Variants in AGBL4 observed in about 807,000 individuals in gnomAD.
AGBL4 encodes the protein cytosolic carboxypeptidase 6.
Under a neutral mutation model 66.4 loss-of-function variants are expected in AGBL4, and 58 were observed. That is an observed-to-expected ratio of 0.87 (90% CI 0.71 to 1.09). The LOEUF (loss-of-function observed/expected upper bound fraction) is 1.09, where lower values mean the gene tolerates loss of function less well. Ranked by LOEUF, AGBL4 falls within the 50% of genes least tolerant of loss-of-function variation. The pLI, the probability that AGBL4 is intolerant of heterozygous loss-of-function variation, is 0.00. For synonymous variants in AGBL4, 234 were observed against 222.9 expected, an observed-to-expected ratio of 1.05 and a Z score of -0.44; for missense variants, 579 against 631.0, an observed-to-expected ratio of 0.92 and a Z score of 0.88.
In AGBL4 at chr1:48,847,058, C is replaced by T. The variant is rs899866999; in HGVS notation, c.634+20133G>A. 6.6e-5 allele frequency among the ~76,000 whole-genome samples: 10 copies of T among 151,842 alleles called. 1 individual carries two copies. The highest frequency in any genetic ancestry group is 3.3e-4 in the Admixed American group (5 of 15,234). On this transcript the variant is annotated intron_variant, in intron 6 of 13. Coordinates refer to ENST00000371839, the MANE Select transcript of AGBL4 (RefSeq NM_032785.4). ...GCTCATGCCTGTAATCCCAGCACTTCGGGAGGCCGAGGGGGGTGGATCACC... is the reference window on the plus strand; with the variant it reads ...GCTCATGCCTGTAATCCCAGCACTTTGGGAGGCCGAGGGGGGTGGATCACC...
chr1:48,778,202 T>C (rs189343020), intron 6 of AGBL4, among the ~76,000 whole-genome samples: 93 of 152,118 alleles, frequency 6.1e-4, no homozygotes, highest in African/African-American at 2.1e-3. Flanking sequence ...CATCTGTTCA[T>C]TCATTCCTTT....
At chr1:48,667,059 A>G (rs1646199810) in intron 6 of AGBL4, among the ~76,000 whole-genome samples, 1 of 152,192 alleles carries the variant, frequency 6.6e-6, no homozygotes, top group African/African-American at 2.4e-5. Context: ...GCTTTTAACT[A>G]CTGTGTCATA....
chr1:48,823,972 T>G (rs1646370681), intron 6 of AGBL4, among the ~76,000 whole-genome samples: 1 of 150,716 alleles, frequency 6.6e-6, no homozygotes, highest in Non-Finnish European at 1.5e-5. Flanking sequence ...GGACAAAAGG[T>G]GTGTGTGTGT....
intron 3 of AGBL4, among the ~76,000 whole-genome samples, chr1:49,377,884 C>T (rs879437024): frequency 1.3e-5 from 2 of 152,050 alleles, no homozygotes; most frequent in Admixed American, 1.3e-4. Context: ...TCTACAAACA[C>T]CCTGAAAAGA....
intron 2 of AGBL4, among the ~76,000 whole-genome samples, chr1:49,849,068 A>C (rs1341156784): frequency 1.3e-5 from 2 of 152,216 alleles, no homozygotes; most frequent in Non-Finnish European, 2.9e-5. Context: ...TCAAACTCCC[A>C]GCATAAACAC....
intron 4 of AGBL4, among the ~76,000 whole-genome samples, chr1:49,067,245 A>G (rs1455285658): frequency 6.6e-6 from 1 of 152,214 alleles, no homozygotes; most frequent in Non-Finnish European, 1.5e-5. Flanking sequence ...CTAAGCAGAG[A>G]GAAAAGCATG....
At chr1:49,971,697 TA>T (rs1329844495) in intron 1 of AGBL4, among the ~76,000 whole-genome samples, 1 of 151,724 alleles carries the variant, frequency 6.6e-6, no homozygotes, top group East Asian at 1.9e-4. Flanking sequence ...GAAAAGGCAT[TA>T]AATTTGTGAG....
intron 4 of AGBL4, among the ~76,000 whole-genome samples, chr1:49,166,200 G>A (rs1359573162): frequency 2.6e-5 from 4 of 152,020 alleles, no homozygotes; most frequent in East Asian, 1.9e-4. Context: ...TTGGAGCATC[G>A]GGGTCTTTAT....
intron 3 of AGBL4, among the ~76,000 whole-genome samples, chr1:49,497,017 A>C (rs765964414): frequency 1.3e-4 from 20 of 152,016 alleles, no homozygotes; most frequent in Non-Finnish European, 2.6e-4. Context: ...TTTTCTCCAT[A>C]TCATGGTTGC....
intron 6 of AGBL4, among the ~76,000 whole-genome samples, chr1:48,695,610 G>A (rs1473922166): frequency 6.6e-6 from 1 of 151,932 alleles, no homozygotes; most frequent in Non-Finnish European, 1.5e-5. Flanking sequence ...TTGGGACAGC[G>A]GACCGGCCCG....
intron 5 of AGBL4, among the ~76,000 whole-genome samples, chr1:48,939,552 G>A (rs1465342096): frequency 2.6e-5 from 4 of 152,234 alleles, no homozygotes; most frequent in Non-Finnish European, 5.9e-5. Context: ...GGCTCTGTAA[G>A]TATTAGGCTG....
At chr1:49,304,195 A>G (rs1372609187) in intron 3 of AGBL4, among the ~76,000 whole-genome samples, 2 of 152,154 alleles carry the variant, frequency 1.3e-5, no homozygotes, top group Non-Finnish European at 2.9e-5. Flanking sequence ...TTTTCTGCAT[A>G]TGGCTAGTCA....
At chr1:48,711,654 C>G (rs901767062) in intron 6 of AGBL4, among the ~76,000 whole-genome samples, 8 of 152,092 alleles carry the variant, frequency 5.3e-5, no homozygotes, top group Admixed American at 5.2e-4. Context: ...ACCCTCTCCC[C>G]AGCCCACCGA....
chr1:49,786,948 C>T (rs1223050109), intron 2 of AGBL4, among the ~76,000 whole-genome samples: 1 of 152,116 alleles, frequency 6.6e-6, no homozygotes, highest in Admixed American at 6.5e-5. Flanking sequence ...ATCAAGTTTC[C>T]AACAAGGTTT....
At chr1:49,308,323 C>T (rs1324485285) in intron 3 of AGBL4, among the ~76,000 whole-genome samples, 4 of 152,028 alleles carry the variant, frequency 2.6e-5, no homozygotes, top group East Asian at 1.9e-4. Context: ...GCATGTCAAA[C>T]ATTGTTACAT....
chr1:48,954,411 C>T (rs1430228476), intron 5 of AGBL4, among the ~76,000 whole-genome samples: 1 of 152,170 alleles, frequency 6.6e-6, no homozygotes, highest in Admixed American at 6.5e-5. Context: ...ACATTAAACA[C>T]TTGTTGAATG....
intron 4 of AGBL4, among the ~76,000 whole-genome samples, chr1:49,120,532 T>A (rs953544455): frequency 6.6e-6 from 1 of 152,232 alleles, no homozygotes; most frequent in Non-Finnish European, 1.5e-5. Context: ...CCCCACTCTC[T>A]TCTGGCTTGC....
intron 8 of AGBL4, among the ~76,000 whole-genome samples, chr1:48,638,778 G>C (rs1323864979): frequency 6.6e-6 from 1 of 152,228 alleles, no homozygotes; most frequent in East Asian, 1.9e-4. Context: ...GCCTGACAAA[G>C]AGCCTGGATC....
At chr1:48,776,972 C>T in intron 6 of AGBL4, 1 of 295,520 alleles carries the variant, frequency 3.4e-6, no homozygotes, top group East Asian at 9.1e-5. Context: ...GCTCCCCCCA[C>T]TGTTATTGTT....
Sources: allele counts gnomAD v4.1 joint callset (sites outside exome capture counted in the v4.1 genomes callset), GRCh38; gene constraint gnomAD v4.1.1; transcripts MANE v1.5; gene names NCBI Gene and HGNC (gene_info 2026-07-23, HGNC 2026-07-21).